Variants in PISD observed in about 807,000 individuals in gnomAD.
PISD encodes the protein phosphatidylserine decarboxylase proenzyme, mitochondrial.
Under a neutral mutation model 43.5 loss-of-function variants are expected in PISD, and 31 were observed. The ratio of observed to expected loss-of-function variants is 0.71; its 90% CI spans 0.54 to 0.96. The LOEUF (loss-of-function observed/expected upper bound fraction) is 0.96, where lower values mean the gene tolerates loss of function less well. Among genes scored for constraint, PISD ranks in the 40% least tolerant of loss-of-function variants. The pLI is 0.00. For synonymous variants in PISD, 259 were observed against 228.7 expected (o/e 1.13, Z -1.20); for missense variants, 523 against 548.4 (o/e 0.95, Z 0.46).
intron 1 of PISD, among the ~76,000 whole-genome samples, chr22:31,661,101 CAA>C (rs550450841): frequency 1.9e-4 from 26 of 136,040 alleles, no homozygotes; most frequent in African/African-American, 6.7e-4. Context: ...ACATTGAAAA[CAA>C]AGTCTCCTGC....
chr22:31,621,848 G>A lies in PISD; in HGVS notation c.359C>T (p.Ser120Leu). 6.2e-7 allele frequency: 1 copy of A among 1,611,520 alleles called. No individual in the cohort carries two copies. The highest frequency in any genetic ancestry group is 1.7e-5 in the Admixed American group (1 of 60,032). The change falls in exon 4 of 8, where the codon TCA becomes TTA. Residue 120 changes from serine (S) to leucine (L), a missense_variant. By Grantham distance (145) the Ser-to-Leu change is moderately radical. Transcript: ENST00000439502. ...LYKSVPTRLL[S>L]RAWGRLNQVE... The stretch of plus-strand genomic sequence containing the variant: ...CTGATTGAGGCGACCCCAGGCCCGT[G>A]ACAGCAAGCGCGTTGGCACTGACTT...
upstream of PISD, chr22:31,662,231 G>A (rs1159057159): frequency 4.4e-6 from 7 of 1,600,150 alleles, no homozygotes; most frequent in East Asian, 1.3e-4. Flanking sequence ...TTCTCAGCGT[G>A]CCACGCCCCC....
chr22:31,638,702 C>T, intron 3 of PISD: 1 of 818,698 alleles, frequency 1.2e-6, no homozygotes, highest in Non-Finnish European at 1.5e-6. Flanking sequence ...GCCCAGGCTG[C>T]TCTCAAACTC....
chr22:31,641,745 G>C lies in PISD; in HGVS notation c.321+6356C>G, dbSNP rs536194218. On this transcript the variant is annotated intron_variant, in intron 3 of 7. Coordinates refer to ENST00000439502, the MANE Select transcript of PISD (RefSeq NM_001326411.2). The stretch of plus-strand genomic sequence containing the variant: ...TGAGGCAGGAGAACTGCTTGAACCC[G>C]GGAGGCGCAGGTTGCAGTGAGCTGA... Among the ~76,000 whole-genome samples, 88 of 151,178 alleles carry C rather than the reference G, an allele frequency of 5.8e-4. 5 individuals carry two copies. Among genetic ancestry groups the C allele is most frequent in the African/African-American group, 2.0e-3 (83 of 40,532 alleles).
intron 3 of PISD, chr22:31,623,947 C>A (rs989455626): frequency 1.4e-5 from 16 of 1,162,482 alleles, no homozygotes; most frequent in Non-Finnish European, 1.4e-5. Flanking sequence ...TTCCTCCTGT[C>A]TACCCACCCT....
At chr22:31,645,592 T>G (rs1158305581) in intron 3 of PISD, among the ~76,000 whole-genome samples, 3 of 144,614 alleles carry the variant, frequency 2.1e-5, no homozygotes, top group Admixed American at 6.8e-5. Flanking sequence ...TGGCCAGGCT[T>G]GTCTCGAACT....
intron 3 of PISD, among the ~76,000 whole-genome samples, chr22:31,626,870 CCCCAGCCACTG>C (rs1266529945): frequency 3.3e-5 from 5 of 152,256 alleles, no homozygotes; most frequent in Non-Finnish European, 5.9e-5. Flanking sequence ...AGTCCTTCAC[CCCCAGCCACTG>C]CCCAGGAAGG....
chr22:31,657,683 C>T (rs1298853843), intron 1 of PISD, among the ~76,000 whole-genome samples: 5 of 151,938 alleles, frequency 3.3e-5, no homozygotes, highest in African/African-American at 4.8e-5. Context: ...CCACCACACC[C>T]GGCTAATTTT....
chr22:31,629,863 C>T (rs1418792195), intron 3 of PISD: 1 of 152,138 alleles, frequency 6.6e-6, no homozygotes, highest in Admixed American at 6.6e-5. Context: ...AGAACTGGCT[C>T]CTGCTGTCTG....
At chr22:31,625,544 C>T (rs1429491033) in intron 3 of PISD, 1 of 613,370 alleles carries the variant, frequency 1.6e-6, no homozygotes, top group Non-Finnish European at 2.9e-6. Flanking sequence ...GCAGCCTCCC[C>T]CTGCTGGGCC....
intron 3 of PISD, among the ~76,000 whole-genome samples, chr22:31,637,161 AAAAATATATATATATAT>A (rs1197829276): frequency 4.6e-3 from 108 of 23,268 alleles, no homozygotes; most frequent in Admixed American, 0.012. Flanking sequence ...AAAAAAAAAA[AAAAATATATATATATAT>A]ATATATATAT....
At chr22:31,650,624 C>T (rs2074005726) in intron 2 of PISD, 75 bp downstream of exon 2, 1 of 819,476 alleles carries the variant, frequency 1.2e-6, no homozygotes, top group Non-Finnish European at 2.0e-6. Context: ...AACAACAACC[C>T]TATGTTTATC....
intron 3 of PISD, among the ~76,000 whole-genome samples, chr22:31,646,368 T>G (rs749410392): frequency 6.6e-6 from 1 of 152,224 alleles, no homozygotes; most frequent in Non-Finnish European, 1.5e-5. Context: ...TGTACTCCAG[T>G]GTCCTGTCAC....
chr22:31,634,124 G>A (rs1244845342), intron 3 of PISD, among the ~76,000 whole-genome samples: 2 of 152,224 alleles, frequency 1.3e-5, no homozygotes, highest in African/African-American at 2.4e-5. Flanking sequence ...CTACTTCTAA[G>A]GGGATGCCCT....
chr22:31,623,107 GC>G (rs1465536552), intron 3 of PISD, among the ~76,000 whole-genome samples: 1 of 152,180 alleles, frequency 6.6e-6, no homozygotes, highest in Non-Finnish European at 1.5e-5. Context: ...ACTGTCAAAG[GC>G]CCAGGAACAG....
intron 3 of PISD, among the ~76,000 whole-genome samples, chr22:31,627,540 G>A (rs934300307): frequency 3.3e-5 from 5 of 152,242 alleles, no homozygotes; most frequent in African/African-American, 9.6e-5. Flanking sequence ...AGTCAGGGGT[G>A]AGCCTGGTGC....
At chr22:31,655,697 T>G (rs1401522801) in intron 1 of PISD, among the ~76,000 whole-genome samples, 1 of 151,718 alleles carries the variant, frequency 6.6e-6, no homozygotes. Context: ...TTCAGTGGCG[T>G]GATCTCAACT....
At chr22:31,624,664 C>G (rs952500937) in intron 3 of PISD, among the ~76,000 whole-genome samples, 13 of 151,502 alleles carry the variant, frequency 8.6e-5, no homozygotes, top group Non-Finnish European at 1.5e-4. Context: ...GACACACACA[C>G]ACACACACAC....
In PISD at chr22:31,621,087, G is replaced by C; in HGVS notation, c.753C>G (p.Leu251=). 1 of 1,614,198 alleles carries C rather than the reference G, an allele frequency of 6.2e-7. No individual in the cohort carries two copies. Among genetic ancestry groups the C allele is most frequent in the South Asian group, 1.1e-5 (1 of 91,090 alleles). ...GGGCCAGGTAGATGACACAGTGATA[G>C]AGCTCATTCCCTTCCCGGGTGACCA... ...NQLVTREGNE[L]YHCVIYLAPG... The change falls in exon 6 of 8, where the codon CTC becomes CTG. Residue 251 remains leucine (L), a synonymous_variant. Coordinates refer to ENST00000439502, the MANE Select transcript of PISD (RefSeq NM_001326411.2).
Sources: allele counts gnomAD v4.1 joint callset (sites outside exome capture counted in the v4.1 genomes callset), GRCh38; gene constraint gnomAD v4.1.1; transcripts MANE v1.5; gene names NCBI Gene and HGNC (gene_info 2026-07-23, HGNC 2026-07-21).